YAF2: variants seen among roughly 807,000 people sequenced by gnomAD.
YAF2 encodes the protein YY1-associated factor 2.
Under a neutral mutation model 20.1 loss-of-function variants are expected in YAF2, and 7 were observed. That is an observed-to-expected ratio of 0.35 (90% CI 0.20 to 0.65). The LOEUF (loss-of-function observed/expected upper bound fraction) is 0.65. Ranked by LOEUF, YAF2 falls within the 30% of genes least tolerant of loss-of-function variation. The probability of loss-of-function intolerance (pLI) is 0.69; values close to 1 mark genes in which losing one functional copy is unlikely to be tolerated. For synonymous variants in YAF2, 74 were observed against 76.0 expected (o/e 0.97, Z 0.14); for missense variants, 151 against 219.2 (o/e 0.69, Z 1.96).
At chr12:42,238,037 C>G in intron 1 of YAF2, 118 bp downstream of exon 1, 1 of 856,590 alleles carries the variant, frequency 1.2e-6, no homozygotes, top group Non-Finnish European at 1.5e-6. Context: ...CGCACACCAG[C>G]GGCGCTGCCC....
chr12:42,172,130 A>C (rs1011758188), intron 2 of YAF2: 1 of 152,210 alleles, frequency 6.6e-6, no homozygotes, highest in Non-Finnish European at 1.5e-5. Flanking sequence ...TCACACAGTT[A>C]AGTACTTACA....
intron 2 of YAF2, among the ~76,000 whole-genome samples, chr12:42,236,160 A>T (rs2068148262): frequency 6.6e-6 from 1 of 152,234 alleles, no homozygotes; most frequent in Admixed American, 6.5e-5. Context: ...TTTTCTAAAA[A>T]TTGCTTATTG....
intron 2 of YAF2, among the ~76,000 whole-genome samples, chr12:42,185,708 AATTAAGGTATATAC>A (rs1347930366): frequency 6.6e-6 from 1 of 152,160 alleles, no homozygotes; most frequent in Non-Finnish European, 1.5e-5. Flanking sequence ...CTATATTTTA[AATTAAGGTATATAC>A]ATTGTTGTTT....
chr12:42,165,996 CA>C lies in YAF2; in HGVS notation c.153-4232del, dbSNP rs1383097749. On this transcript the variant is annotated intron_variant, in intron 2 of 3. Transcript: ENST00000534854. ...GCGGTGGCGTGATCTTGGCTCAATG[CA>C]ACCTCCAGCCTCCTAGCTTCAAGCG... Among the ~76,000 whole-genome samples, 5 of 152,054 alleles carry C rather than the reference CA, an allele frequency of 3.3e-5. No individual in the cohort carries two copies. In the East Asian group the frequency reaches 9.7e-4, roughly 30 times the overall value.
At position 42,160,554 on chromosome 12, in the gene YAF2, G is replaced by T; in HGVS notation, c.*35C>A. 6.5e-7 allele frequency: 1 copy of T among 1,535,558 alleles called. No individual in the cohort carries two copies. Among genetic ancestry groups the T allele is most frequent in the South Asian group, 1.1e-5 (1 of 87,536 alleles). Reference sequence around the variant, plus strand: ...CATAATCTGTGTATTTGCATGGTAGGACAGAAGTGACTAAGAAATTGGAGA... The same window carrying T: ...CATAATCTGTGTATTTGCATGGTAGTACAGAAGTGACTAAGAAATTGGAGA... On this transcript the variant is annotated 3_prime_UTR_variant, in exon 4 of 4. Transcript: ENST00000534854.
intron 2 of YAF2, among the ~76,000 whole-genome samples, chr12:42,215,804 C>T (rs181872699): frequency 2.0e-5 from 3 of 152,212 alleles, no homozygotes; most frequent in African/African-American, 7.2e-5. Context: ...CACCTGTAGT[C>T]CTAGCTACTC....
intron 2 of YAF2, among the ~76,000 whole-genome samples, chr12:42,186,802 A>G (rs1224028113): frequency 6.6e-6 from 1 of 152,236 alleles, no homozygotes. Context: ...TTAGCATTTT[A>G]GAGGGACAAA....
At chr12:42,163,279 T>C (rs1188174318) in intron 2 of YAF2, among the ~76,000 whole-genome samples, 1 of 152,052 alleles carries the variant, frequency 6.6e-6, no homozygotes, top group East Asian at 1.9e-4. Context: ...GCTGGACAGA[T>C]AAGAAGGGAT....
At chr12:42,200,928 G>A (rs996988510) in intron 2 of YAF2, among the ~76,000 whole-genome samples, 6 of 152,226 alleles carry the variant, frequency 3.9e-5, no homozygotes, top group East Asian at 1.9e-4. Flanking sequence ...ATTCCCATAC[G>A]CAAAATGAAG....
intron 1 of YAF2, 52 bp from the exon 2 acceptor site, chr12:42,237,776 GCCCGGTGCCCGGGCCCCGCGGCCGCC>G: frequency 7.8e-7 from 1 of 1,290,290 alleles, no homozygotes; most frequent in Non-Finnish European, 9.9e-7. Context: ...AGCAGGCCGC[GCCCGGTGCCCGGGCCCCGCGGCCGCC>G]CCCGCCCCGC....
intron 2 of YAF2, chr12:42,233,174 C>G (rs1175777862): frequency 1.0e-6 from 1 of 985,244 alleles, no homozygotes. Flanking sequence ...TAACATCTAG[C>G]ACTCTTTCTA....
chr12:42,236,783 G>C (rs562977341), intron 2 of YAF2, among the ~76,000 whole-genome samples: 3 of 152,056 alleles, frequency 2.0e-5, no homozygotes, highest in Non-Finnish European at 4.4e-5. Flanking sequence ...TTAATTCAAA[G>C]GGTACCTTCG....
chr12:42,176,456 T>C (rs117503242), intron 2 of YAF2, among the ~76,000 whole-genome samples: 1,595 of 152,220 alleles, frequency 0.01, 20 homozygotes, highest in South Asian at 0.048. Context: ...TCTCCCACTC[T>C]TCCAATCTTC....
chr12:42,178,756 T>C (rs1038615741), intron 2 of YAF2, among the ~76,000 whole-genome samples: 1 of 152,208 alleles, frequency 6.6e-6, no homozygotes, highest in Non-Finnish European at 1.5e-5. Flanking sequence ...AATTTGCTTA[T>C]AAAATTATGT....
At chr12:42,192,180 C>A (rs2066630403) in intron 2 of YAF2, among the ~76,000 whole-genome samples, 1 of 151,902 alleles carries the variant, frequency 6.6e-6, no homozygotes, top group African/African-American at 2.4e-5. Flanking sequence ...ATAGGCAGAC[C>A]AGGCCAAGAA....
chr12:42,237,587 C>T lies in YAF2; in HGVS notation c.152+12G>A, dbSNP rs371001861. 3.3e-5 allele frequency: 51 copies of T among 1,527,552 alleles called. No homozygotes were observed. In the Middle Eastern group the frequency reaches 1.0e-3, roughly 30 times the overall value. 94.6% of individuals were successfully genotyped at this position (1,527,552 alleles called of 1,614,324 possible). A position where few individuals can be genotyped will look rare whatever the true frequency, so the allele number is the denominator to read the frequency against. The stretch of plus-strand genomic sequence containing the variant: ...GCCGGCCGGCGGCGCGAGGGGCAGG[C>T]CCGGGACTCACCGGGTGGAGGTGCC... On this transcript the variant is annotated intron_variant, in intron 2 of 3. Transcript: ENST00000534854.
intron 2 of YAF2, chr12:42,210,829 CTT>C (rs1486277910): frequency 3.3e-6 from 2 of 605,354 alleles, no homozygotes; most frequent in Admixed American, 6.9e-5. Context: ...TCAGTGGAAA[CTT>C]CTCACATTAT....
chr12:42,204,301 G>C (rs2137180337), intron 2 of YAF2, among the ~76,000 whole-genome samples: 1 of 152,232 alleles, frequency 6.6e-6, no homozygotes, highest in South Asian at 2.1e-4. Context: ...TTCACTCCTA[G>C]GTATATATAG....
chr12:42,227,000 G>A lies in YAF2; in HGVS notation c.152+10599C>T, dbSNP rs1367913954. ...AGTGCGGAGCCGGGACAGTCGCGGC[G>A]CTGACGCCCGCGGGCCCCAGCTGCA... On this transcript the variant is annotated intron_variant, in intron 2 of 3. Coordinates refer to ENST00000534854, the MANE Select transcript of YAF2 (RefSeq NM_005748.6). Among the ~76,000 whole-genome samples the A allele has an allele frequency of 2.5e-4, 37 of 147,938 alleles. No homozygotes were observed. In the East Asian group the frequency reaches 5.8e-3, roughly 23 times the overall value.
Sources: allele counts gnomAD v4.1 joint callset (sites outside exome capture counted in the v4.1 genomes callset), GRCh38; gene constraint gnomAD v4.1.1; transcripts MANE v1.5; gene names NCBI Gene and HGNC (gene_info 2026-07-23, HGNC 2026-07-21).